The following GABBR2 variants were observed in gnomAD, a reference collection of about 807,000 sequenced individuals.
GABBR2 encodes G-protein coupled receptor 51.
GABBR2 carries 23 observed loss-of-function variants against 105.6 expected under a neutral mutation model. The ratio of observed to expected loss-of-function variants is 0.22; its 90% CI spans 0.16 to 0.31. The LOEUF is 0.31. GABBR2 is among the 10% of genes least tolerant of loss of function. The pLI, the probability that GABBR2 is intolerant of heterozygous loss-of-function variation, is 1.00. For missense variants in GABBR2, 734 were observed against 1,245.5 expected, an observed-to-expected ratio of 0.59 and a Z score of 6.18; for synonymous variants, 478 against 499.7, an observed-to-expected ratio of 0.96 and a Z score of 0.58.
intron 4 of GABBR2, among the ~76,000 whole-genome samples, chr9:98,490,514 G>C (rs1303202163): frequency 6.6e-6 from 1 of 152,180 alleles, no homozygotes; most frequent in Admixed American, 6.5e-5. Flanking sequence ...TACAATAAAA[G>C]ATTTTCTTTA....
chr9:98,584,263 C>T (rs1031897901), intron 1 of GABBR2, among the ~76,000 whole-genome samples: 1 of 152,202 alleles, frequency 6.6e-6, no homozygotes, highest in Non-Finnish European at 1.5e-5. Context: ...TAACTCAAAG[C>T]TTCATGACTG....
chr9:98,312,616 T>C (rs994938038), intron 13 of GABBR2, among the ~76,000 whole-genome samples: 2 of 152,266 alleles, frequency 1.3e-5, no homozygotes, highest in Admixed American at 6.5e-5. Flanking sequence ...TCAGCAACCA[T>C]TGATAATTCT....
rs548491591 is a variant in GABBR2 at position 98,294,020 on chromosome 9, C to T, written c.2543-118G>A. On this transcript the variant is annotated intron_variant, in intron 17 of 18. Transcript: ENST00000259455. ...ACAGAATGCAAAAGAGCCCATTATCCCTCTGTGTTCTCTAAGCTGAGGTCT... is the reference window on the plus strand; with the variant it reads ...ACAGAATGCAAAAGAGCCCATTATCTCTCTGTGTTCTCTAAGCTGAGGTCT... 5 of 721,736 alleles carry T rather than the reference C, an allele frequency of 6.9e-6. No homozygotes were observed. The Admixed American group carries it at 9.6e-5, about 14-fold the overall frequency. 44.7% of individuals were successfully genotyped at this position (721,736 alleles called of 1,614,324 possible).
intron 11 of GABBR2, among the ~76,000 whole-genome samples, chr9:98,377,573 A>G (rs973065367): frequency 5.3e-5 from 8 of 152,306 alleles, no homozygotes; most frequent in African/African-American, 1.7e-4. Flanking sequence ...CAGCTCCTCG[A>G]GGACCATGCT....
chr9:98,684,992 G>A (rs1830602323), intron 1 of GABBR2, among the ~76,000 whole-genome samples: 1 of 152,172 alleles, frequency 6.6e-6, no homozygotes, highest in Admixed American at 6.5e-5. Context: ...TATCATTCCT[G>A]GGTGTGTCTG....
intron 2 of GABBR2, among the ~76,000 whole-genome samples, chr9:98,573,277 C>T (rs1207241813): frequency 6.6e-6 from 1 of 152,174 alleles, no homozygotes; most frequent in African/African-American, 2.4e-5. Context: ...TTATTTTTCA[C>T]AACACTTATT....
intron 1 of GABBR2, among the ~76,000 whole-genome samples, chr9:98,608,349 T>G (rs1047062442): frequency 2.6e-5 from 4 of 152,232 alleles, no homozygotes; most frequent in Non-Finnish European, 4.4e-5. Context: ...ACAGCTCTAC[T>G]TTTCCTACTT....
intron 13 of GABBR2, among the ~76,000 whole-genome samples, chr9:98,347,495 C>A (rs633936): frequency 0.68 from 103,133 of 152,022 alleles, 35,259 homozygotes; most frequent in Admixed American, 0.75. Flanking sequence ...TAAATAGTTT[C>A]CAAGTATTTT....
chr9:98,609,683 G>A (rs1930141), intron 1 of GABBR2, among the ~76,000 whole-genome samples: 15,060 of 152,186 alleles, frequency 0.099, 1,271 homozygotes, highest in East Asian at 0.44. Flanking sequence ...TCCAGCTTTC[G>A]GCCCCCTCAG....
chr9:98,626,150 C>A (rs998046122), intron 1 of GABBR2, among the ~76,000 whole-genome samples: 1 of 152,172 alleles, frequency 6.6e-6, no homozygotes, highest in Non-Finnish European at 1.5e-5. Flanking sequence ...CGCAAAGGAC[C>A]ATATATTGTA....
At position 98,424,558 on chromosome 9, in the gene GABBR2, G is replaced by A. The variant is rs529676244; in HGVS notation, c.1237-18417C>T. On this transcript the variant is annotated intron_variant, in intron 7 of 18. Coordinates refer to ENST00000259455, the MANE Select transcript of GABBR2 (RefSeq NM_005458.8). ...AGTCAAATTGCCCCTGTTTGCAGACGACATGATTGTATATCTAGAAAACCC... is the reference window on the plus strand; with the variant it reads ...AGTCAAATTGCCCCTGTTTGCAGACAACATGATTGTATATCTAGAAAACCC... Among the ~76,000 whole-genome samples, 414 of 151,912 alleles carry A rather than the reference G, an allele frequency of 2.7e-3. 2 individuals are homozygous for A. Among genetic ancestry groups the A allele is most frequent in the African/African-American group, 9.0e-3 (372 of 41,388 alleles).
chr9:98,586,318 T>C (rs1401454326), intron 1 of GABBR2, among the ~76,000 whole-genome samples: 2 of 150,796 alleles, frequency 1.3e-5, no homozygotes, highest in Non-Finnish European at 3.0e-5. Flanking sequence ...TTTGTTTTTT[T>C]AGACAGACTC....
chr9:98,325,624 T>C (rs57684116), intron 13 of GABBR2, among the ~76,000 whole-genome samples: 4,907 of 152,192 alleles, frequency 0.032, 275 homozygotes, highest in African/African-American at 0.11. Flanking sequence ...GAGACAGCAG[T>C]TGTGCCCTCT....
At chr9:98,506,030 C>T (rs1009267538) in intron 3 of GABBR2, among the ~76,000 whole-genome samples, 4 of 152,234 alleles carry the variant, frequency 2.6e-5, no homozygotes, top group South Asian at 2.1e-4. Context: ...GGAATGGAAC[C>T]CCAGTTTCCC....
At chr9:98,546,223 T>C (rs952322248) in intron 2 of GABBR2, among the ~76,000 whole-genome samples, 2 of 152,244 alleles carry the variant, frequency 1.3e-5, no homozygotes, top group African/African-American at 2.4e-5. Flanking sequence ...AATTCTTTAT[T>C]AGACTACTTA....
intron 1 of GABBR2, among the ~76,000 whole-genome samples, chr9:98,678,669 G>A (rs1189924586): frequency 2.0e-5 from 3 of 152,140 alleles, no homozygotes; most frequent in African/African-American, 7.2e-5. Context: ...ATACGGGGAG[G>A]TGAAGCTCCC....
At position 98,339,625 on chromosome 9, in the gene GABBR2, T is replaced by C. The variant is rs912771672; in HGVS notation, c.1893+23090A>G. On this transcript the variant is annotated intron_variant, in intron 13 of 18. Transcript: ENST00000259455. ...TTGGCAATAGCGTCTGCAGAACAGG[T>C]ACAAAATTTTTCAGAGAATAGCCCA... Among the ~76,000 whole-genome samples, 5 of 152,146 alleles carry C rather than the reference T, an allele frequency of 3.3e-5. 1 individual carries two copies. Among genetic ancestry groups the C allele is most frequent in the Admixed American group, 3.3e-4 (5 of 15,278 alleles).
chr9:98,541,776 C>T (rs1384560643), intron 3 of GABBR2, 97 bp downstream of exon 3: 3 of 1,091,784 alleles, frequency 2.7e-6, no homozygotes, highest in Non-Finnish European at 4.0e-6. Flanking sequence ...CTTAAAAGCC[C>T]TGTGACAGTA....
intron 4 of GABBR2, among the ~76,000 whole-genome samples, chr9:98,487,731 T>C (rs1827088462): frequency 6.6e-6 from 1 of 151,926 alleles, no homozygotes; most frequent in Non-Finnish European, 1.5e-5. Context: ...TGAGCTGTGA[T>C]TACACCACTA....
Sources: gnomAD v4.1 joint callset for allele counts (sites outside exome capture counted in the v4.1 genomes callset) on GRCh38, gnomAD v4.1.1 for gene constraint, MANE v1.5 for transcripts, NCBI Gene and HGNC (gene_info 2026-07-23, HGNC 2026-07-21) for gene names.